The following TRIM37 variants were observed in gnomAD, a reference collection of about 807,000 sequenced individuals.
TRIM37 encodes the protein E3 ubiquitin-protein ligase TRIM37.
A neutral mutation model predicts 129.8 loss-of-function variants in TRIM37; 80 were observed. The observed-to-expected ratio is 0.62, with a 90% CI of 0.51 to 0.74. The LOEUF (loss-of-function observed/expected upper bound fraction) is 0.74, where lower values mean the gene tolerates loss of function less well. TRIM37 is among the 30% of genes least tolerant of loss of function. The pLI is 0.00. For missense variants in TRIM37, 1,054 were observed against 1,176.5 expected, an observed-to-expected ratio of 0.90 and a Z score of 1.52; for synonymous variants, 389 against 387.1, an observed-to-expected ratio of 1.00 and a Z score of -0.06.
At chr17:59,026,499 G>A (rs2037262384) in intron 19 of TRIM37, among the ~76,000 whole-genome samples, 2 of 152,226 alleles carry the variant, frequency 1.3e-5, no homozygotes, top group South Asian at 2.1e-4. Flanking sequence ...GAAAACATCT[G>A]CAAATCATAT....
intron 7 of TRIM37, among the ~76,000 whole-genome samples, 197 bp downstream of exon 7, chr17:59,079,557 T>C (rs1211705769): frequency 6.6e-6 from 1 of 152,192 alleles, no homozygotes; most frequent in Non-Finnish European, 1.5e-5. Flanking sequence ...TGGATTTTCA[T>C]CCAAATGGCT....
At chr17:59,082,657 T>G (rs1279172884) in intron 5 of TRIM37, among the ~76,000 whole-genome samples, 1 of 152,196 alleles carries the variant, frequency 6.6e-6, no homozygotes, top group Non-Finnish European at 1.5e-5. Flanking sequence ...GAACAATTTT[T>G]ATAGCTAACT....
At chr17:59,099,681 T>C (rs2045274419) in intron 2 of TRIM37, among the ~76,000 whole-genome samples, 1 of 152,192 alleles carries the variant, frequency 6.6e-6, no homozygotes, top group Non-Finnish European at 1.5e-5. Flanking sequence ...CCTGTAAGAA[T>C]GGCTACACGT....
intron 17 of TRIM37, among the ~76,000 whole-genome samples, chr17:59,039,980 C>A (rs1158695643): frequency 6.6e-6 from 1 of 152,102 alleles, no homozygotes; most frequent in Non-Finnish European, 1.5e-5. Flanking sequence ...TTACTGCAGG[C>A]TCCGCTTCCT....
intron 24 of TRIM37, among the ~76,000 whole-genome samples, chr17:58,991,309 G>T (rs2032381738): frequency 6.6e-6 from 1 of 152,064 alleles, no homozygotes; most frequent in Non-Finnish European, 1.5e-5. Context: ...GCGAAGGTGG[G>T]TGGATCACAT....
Position 59,051,090 on chromosome 17 carries a change from A to AT in TRIM37, c.1314+123dup, listed in dbSNP as rs987542408. ...TAAGGATGGGGAACAAGATAACTAG[A>AT]TTTTTTTTCTAATTACAAATTACAA... is the stretch of plus-strand genomic sequence containing the variant. On this transcript the variant is annotated intron_variant, in intron 14 of 23. Coordinates refer to ENST00000262294, the MANE Select transcript of TRIM37 (RefSeq NM_015294.6). 6.2e-5 allele frequency: 44 copies of AT among 708,414 alleles called. No homozygotes were observed. In the East Asian group the frequency reaches 9.7e-4, roughly 16 times the overall value. The allele number at this position is 708,414 out of a possible 1,614,324, so 43.9% of individuals were successfully genotyped here. A position where few individuals can be genotyped will look rare whatever the true frequency, so the allele number is the denominator to read the frequency against.
chr17:59,106,331 G>C (rs2045988131), intron 1 of TRIM37, 110 bp downstream of exon 1: 1 of 1,304,596 alleles, frequency 7.7e-7, no homozygotes, highest in East Asian at 2.5e-5. Flanking sequence ...CAGCGGCAGG[G>C]GCGGGGTAGG....
intron 19 of TRIM37, among the ~76,000 whole-genome samples, chr17:59,024,329 AAG>A (rs547343277): frequency 1.1e-4 from 17 of 152,254 alleles, no homozygotes; most frequent in Admixed American, 7.2e-4. Flanking sequence ...ATCAGAGAAA[AAG>A]AGATTCCACT....
intron 24 of TRIM37, chr17:58,984,323 A>G (rs1189841711): frequency 6.5e-6 from 1 of 152,674 alleles, no homozygotes; most frequent in African/African-American, 2.4e-5. Flanking sequence ...GAAGTGCAAC[A>G]TCCAGTGGGC....
At chr17:59,001,816 T>G in intron 22 of TRIM37, 102 bp from the exon 23 acceptor site, 1 of 1,493,596 alleles carries the variant, frequency 6.7e-7, no homozygotes, top group Non-Finnish European at 9.1e-7. Flanking sequence ...TATTGAATTT[T>G]ACATGGAATG....
chr17:59,092,134 TGTA>T (rs1399563986), intron 2 of TRIM37, among the ~76,000 whole-genome samples: 3 of 152,106 alleles, frequency 2.0e-5, no homozygotes, highest in Non-Finnish European at 4.4e-5. Context: ...GTCTCACGCC[TGTA>T]ATCCCAGCAA....
chr17:59,043,753 G>C (rs2039494754), intron 16 of TRIM37, among the ~76,000 whole-genome samples: 1 of 152,148 alleles, frequency 6.6e-6, no homozygotes, highest in Non-Finnish European at 1.5e-5. Flanking sequence ...TCCCAAGCCT[G>C]AAAAGGAAAG....
downstream of TRIM37, chr17:58,979,950 G>A: frequency 6.4e-7 from 1 of 1,569,394 alleles, no homozygotes; most frequent in Non-Finnish European, 8.7e-7. Flanking sequence ...TGCTAATGAT[G>A]CCCCTACACT....
At chr17:58,975,949 A>G in the TRIM37 span, among the ~76,000 whole-genome samples, 1 of 152,206 alleles carries the variant, frequency 6.6e-6, no homozygotes, top group Non-Finnish European at 1.5e-5. Flanking sequence ...ACTAATCAAC[A>G]AACAATCTGG....
At chr17:59,013,842 A>C (rs1352895635) in intron 21 of TRIM37, among the ~76,000 whole-genome samples, 3 of 152,118 alleles carry the variant, frequency 2.0e-5, no homozygotes, top group African/African-American at 7.2e-5. Context: ...ATTAGTATTT[A>C]AACTTTTTGC....
At position 58,998,438 on chromosome 17, in the gene TRIM37, C is replaced by T. The variant is rs1170479256; in HGVS notation, c.*939G>A. On this transcript the variant is annotated 3_prime_UTR_variant, in exon 24 of 24. Transcript: ENST00000262294. ...ATATATAGCAGCTCAAACACAAATG[C>T]AGGAGCACAATGGCAAAGTTTGGCA... is the stretch of plus-strand genomic sequence containing the variant. 1 of 985,256 alleles carries T rather than the reference C, an allele frequency of 1.0e-6. No homozygotes were observed. Among genetic ancestry groups the T allele is most frequent in the Non-Finnish European group, 1.2e-6 (1 of 829,922 alleles). The allele number at this position is 985,256 out of a possible 1,614,324, so 61.0% of individuals were successfully genotyped here.
intron 19 of TRIM37, among the ~76,000 whole-genome samples, chr17:59,019,266 T>C (rs1184086312): frequency 6.6e-6 from 1 of 152,138 alleles, no homozygotes; most frequent in East Asian, 1.9e-4. Context: ...CATCAACTAA[T>C]GAGTGGATAA....
At chr17:58,972,614 G>A in the TRIM37 span, among the ~76,000 whole-genome samples, 1 of 152,170 alleles carries the variant, frequency 6.6e-6, no homozygotes, top group Non-Finnish European at 1.5e-5. Context: ...GCCTCCCAAA[G>A]TACTGGGATT....
At chr17:58,989,262 C>T (rs1402472221) in intron 24 of TRIM37, among the ~76,000 whole-genome samples, 2 of 151,860 alleles carry the variant, frequency 1.3e-5, no homozygotes, top group East Asian at 3.9e-4. Context: ...ATGGCGAAAC[C>T]CCGTCTCTAC....
Sources: allele counts gnomAD v4.1 joint callset (sites outside exome capture counted in the v4.1 genomes callset), GRCh38; gene constraint gnomAD v4.1.1; transcripts MANE v1.5; gene names NCBI Gene and HGNC (gene_info 2026-07-23, HGNC 2026-07-21).